DLGAP2: variants seen among roughly 807,000 people sequenced by gnomAD.
DLGAP2 encodes the protein DLG associated protein 2, also known as disks large-associated protein 2.
Under a neutral mutation model 100.3 loss-of-function variants are expected in DLGAP2, and 26 were observed. That is an observed-to-expected ratio of 0.26 (90% CI 0.19 to 0.36). The LOEUF is 0.36. Ranked by LOEUF, DLGAP2 falls within the 10% of genes least tolerant of loss-of-function variation. The pLI is 1.00. For missense variants in DLGAP2, 1,858 were observed against 1,453.2 expected (o/e 1.28, Z -4.53); for synonymous variants, 886 against 630.1 (o/e 1.41, Z -6.08).
intron 6 of DLGAP2, among the ~76,000 whole-genome samples, chr8:1,583,113 G>A (rs1795999374): frequency 6.6e-6 from 1 of 152,184 alleles, no homozygotes; most frequent in South Asian, 2.1e-4. Flanking sequence ...TTTCTCCAAG[G>A]TGAGAAATAA....
rs118168106 is a variant in DLGAP2 at position 955,211 on chromosome 8, C to T, written c.73+47245C>T. Among the ~76,000 whole-genome samples, 579 of 152,204 alleles carry T rather than the reference C, an allele frequency of 3.8e-3. 1 individual carries two copies. Among genetic ancestry groups the T allele is most frequent in the Non-Finnish European group, 5.7e-3 (387 of 68,008 alleles). On this transcript the variant is annotated intron_variant, in intron 2 of 14. Coordinates refer to ENST00000637795, the MANE Select transcript of DLGAP2 (RefSeq NM_001346810.2). ...ATTTGAGTTTGCTTCCCGAAGACTGCGAGCCTGTCTCAGAAACCACCTTCC... is the reference window on the plus strand; with the variant it reads ...ATTTGAGTTTGCTTCCCGAAGACTGTGAGCCTGTCTCAGAAACCACCTTCC...
At chr8:1,590,271 C>T (rs1249536807) in intron 6 of DLGAP2, among the ~76,000 whole-genome samples, 1 of 152,170 alleles carries the variant, frequency 6.6e-6, no homozygotes, top group Non-Finnish European at 1.5e-5. Flanking sequence ...CTCCATGGAC[C>T]TCTTCTACAG....
intron 3 of DLGAP2, among the ~76,000 whole-genome samples, chr8:1,437,691 C>T (rs371675208): frequency 6.6e-5 from 10 of 151,572 alleles, no homozygotes; most frequent in East Asian, 3.9e-4. Flanking sequence ...TAAATATCAC[C>T]GGCCGGTGGC....
chr8:1,128,917 G>A (rs1796228818), intron 2 of DLGAP2, among the ~76,000 whole-genome samples: 1 of 152,198 alleles, frequency 6.6e-6, no homozygotes. Flanking sequence ...AGCATCAGAA[G>A]CTCCATGAGG....
intron 1 of DLGAP2, among the ~76,000 whole-genome samples, chr8:841,307 G>A (rs28722879): frequency 0.23 from 35,267 of 152,112 alleles, 4,571 homozygotes; most frequent in Non-Finnish European, 0.3. Context: ...TGTGATGGTC[G>A]CTCATCCTGA....
intron 6 of DLGAP2, among the ~76,000 whole-genome samples, chr8:1,592,768 A>T (rs1796330172): frequency 6.6e-6 from 1 of 152,172 alleles, no homozygotes; most frequent in Non-Finnish European, 1.5e-5. Flanking sequence ...GAAGGGCAAT[A>T]TAAACTCATT....
In DLGAP2 at chr8:756,327, G is replaced by A. The variant is rs1055315752; in HGVS notation, c.18+18502G>A. The stretch of plus-strand genomic sequence containing the variant: ...CAGGTGTGGGCAGGTTGGGGCTGAC[G>A]GCAAAGACGATGTCGTTGTGGGACC... On this transcript the variant is annotated intron_variant, in intron 1 of 14. Coordinates refer to ENST00000637795, the MANE Select transcript of DLGAP2 (RefSeq NM_001346810.2). Among the ~76,000 whole-genome samples the A allele has an allele frequency of 2.6e-5, 4 of 152,226 alleles. No homozygotes were observed. The East Asian group carries it at 5.8e-4, about 22-fold the overall frequency.
chr8:1,503,704 C>G (rs1486082431), intron 4 of DLGAP2, among the ~76,000 whole-genome samples: 3 of 152,126 alleles, frequency 2.0e-5, no homozygotes, highest in Admixed American at 2.0e-4. Context: ...TGCTTAGGGA[C>G]AGGGTGTGCT....
chr8:875,586 A>C (rs1055752611), intron 1 of DLGAP2, among the ~76,000 whole-genome samples: 1 of 152,276 alleles, frequency 6.6e-6, no homozygotes, highest in African/African-American at 2.4e-5. Context: ...GGGCCTCCCT[A>C]GCCCTGCTGA....
chr8:1,361,905 C>G (rs964368904), intron 3 of DLGAP2, among the ~76,000 whole-genome samples: 24 of 152,330 alleles, frequency 1.6e-4, no homozygotes, highest in African/African-American at 5.8e-4. Flanking sequence ...CTCCTGGGCA[C>G]TAACTGTGCT....
intron 3 of DLGAP2, among the ~76,000 whole-genome samples, chr8:1,470,775 A>ACCCCTCCAGGCTTTCACGACCCCT (rs1563168449): frequency 2.6e-5 from 2 of 75,982 alleles, no homozygotes; most frequent in Non-Finnish European, 3.2e-5. Context: ...GCCTTTCCCG[A>ACCCCTCCAGGCTTTCACGACCCCT]CTCCCCCAGC....
At chr8:1,032,389 A>G (rs1802001261) in intron 2 of DLGAP2, among the ~76,000 whole-genome samples, 1 of 152,140 alleles carries the variant, frequency 6.6e-6, no homozygotes, top group Non-Finnish European at 1.5e-5. Context: ...CGATTTCTCC[A>G]CAGGTGGAAG....
intron 6 of DLGAP2, among the ~76,000 whole-genome samples, chr8:1,619,445 G>C (rs1242982144): frequency 6.6e-6 from 1 of 152,098 alleles, no homozygotes; most frequent in African/African-American, 2.4e-5. Context: ...ACAATTTAAT[G>C]GGTATATATT....
intron 3 of DLGAP2, among the ~76,000 whole-genome samples, chr8:1,324,318 T>A (rs1008030091): frequency 6.6e-6 from 1 of 152,208 alleles, no homozygotes; most frequent in African/African-American, 2.4e-5. Context: ...GAGAGCACAT[T>A]CCTATCCTAT....
At chr8:1,239,947 G>T (rs1225269301) in intron 2 of DLGAP2, among the ~76,000 whole-genome samples, 6 of 137,590 alleles carry the variant, frequency 4.4e-5, no homozygotes, top group Non-Finnish European at 7.7e-5. Flanking sequence ...CTCACATGTT[G>T]CCGTGTCTAG....
intron 6 of DLGAP2, among the ~76,000 whole-genome samples, chr8:1,590,351 C>A (rs900562892): frequency 6.6e-6 from 1 of 152,150 alleles, no homozygotes; most frequent in Non-Finnish European, 1.5e-5. Context: ...TAAAATGGCA[C>A]CCCTCTATCT....
intron 3 of DLGAP2, among the ~76,000 whole-genome samples, chr8:1,299,239 C>T (rs1800269930): frequency 6.6e-6 from 1 of 152,186 alleles, no homozygotes; most frequent in East Asian, 1.9e-4. Context: ...GCCATAGATG[C>T]CAGTCCTGAC....
chr8:1,582,606 C>T (rs6989505), intron 6 of DLGAP2, among the ~76,000 whole-genome samples: 65 of 151,694 alleles, frequency 4.3e-4, no homozygotes, highest in Admixed American at 3.0e-3. Context: ...TTTTCCCCCG[C>T]CAAGATGGAG....
intron 1 of DLGAP2, among the ~76,000 whole-genome samples, chr8:888,843 G>T (rs1474347795): frequency 6.6e-6 from 1 of 152,094 alleles, no homozygotes; most frequent in Non-Finnish European, 1.5e-5. Flanking sequence ...CTGTTGGAGG[G>T]TCTCACCGAG....
Sources: gnomAD v4.1 joint callset for allele counts (sites outside exome capture counted in the v4.1 genomes callset) on GRCh38, gnomAD v4.1.1 for gene constraint, MANE v1.5 for transcripts, NCBI Gene and HGNC (gene_info 2026-07-23, HGNC 2026-07-21) for gene names.